Variants in CSE1L observed in about 807,000 individuals in gnomAD.
CSE1L encodes the protein exportin-2.
Under a neutral mutation model 120.4 loss-of-function variants are expected in CSE1L, and 24 were observed. The observed-to-expected ratio is 0.20, with a 90% CI of 0.14 to 0.28. CSE1L has a LOEUF of 0.28. Among genes scored for constraint, CSE1L ranks in the 10% least tolerant of loss-of-function variants. CSE1L has a pLI of 1.00. For synonymous variants in CSE1L, 402 were observed against 398.3 expected (o/e 1.01, Z -0.11); for missense variants, 830 against 1,145.2 (o/e 0.72, Z 3.97).
intron 1 of CSE1L, among the ~76,000 whole-genome samples, chr20:49,049,270 C>T (rs1481777790): frequency 8.1e-6 from 1 of 123,696 alleles, no homozygotes. Flanking sequence ...GTTGCCTGGG[C>T]TGACCTGGGC....
At chr20:49,046,849 T>G (rs2091716202) in intron 1 of CSE1L, among the ~76,000 whole-genome samples, 1 of 152,232 alleles carries the variant, frequency 6.6e-6, no homozygotes, top group Non-Finnish European at 1.5e-5. Context: ...GAGCTGAGTG[T>G]GCGGCGGCGA....
Position 49,066,039 on chromosome 20 carries a change from T to C in CSE1L, c.229-153T>C, listed in dbSNP as rs565618955. On this transcript the variant is annotated intron_variant, in intron 3 of 24. Transcript: ENST00000262982. ...GATTATTGAAGGAATCTGTGACCCA[T>C]TCATGTAGAGGGAAACTGAAGAAAG... Among the ~76,000 whole-genome samples the C allele has an allele frequency of 1.3e-3, 198 of 152,336 alleles. 3 individuals carry two copies. The highest frequency in any genetic ancestry group is 6.8e-3 in the Middle Eastern group (2 of 294).
intron 1 of CSE1L, among the ~76,000 whole-genome samples, chr20:49,051,535 C>A (rs2091766331): frequency 6.6e-6 from 1 of 152,122 alleles, no homozygotes; most frequent in South Asian, 2.1e-4. Context: ...AGAGCAAAGA[C>A]CCCTGTCTCC....
chr20:49,081,795 C>T (rs2092014488), intron 14 of CSE1L, among the ~76,000 whole-genome samples: 1 of 152,112 alleles, frequency 6.6e-6, no homozygotes, highest in South Asian at 2.1e-4. Flanking sequence ...TCTTTGATGT[C>T]TTTGCCCAGT....
At chr20:49,064,383 G>GTA (rs1555822149) in intron 3 of CSE1L, among the ~76,000 whole-genome samples, 1 of 152,174 alleles carries the variant, frequency 6.6e-6, no homozygotes, top group Non-Finnish European at 1.5e-5. Context: ...TTTTAAGCCT[G>GTA]TATGATTTCT....
In CSE1L at chr20:49,085,562, ATTTTTTTTTTTTTTT is replaced by A. The variant is rs11471947; in HGVS notation, c.1723+189_1723+203del. On this transcript the variant is annotated intron_variant, in intron 16 of 24. Coordinates refer to ENST00000262982, the MANE Select transcript of CSE1L (RefSeq NM_001316.4). ...ATTATCTTGTTTACTACTAACAATA[ATTTTTTTTTTTTTTT>A]TTTTTTTTTTTTGAGATGGAGCCTT... 8.2e-4 allele frequency among the ~76,000 whole-genome samples: 66 copies of A among 80,252 alleles called. 1 individual carries two copies. Among genetic ancestry groups the A allele is most frequent in the Admixed American group, 5.6e-3 (32 of 5,718 alleles). The allele number at this position is 80,252 out of a possible 152,430, so 52.6% of individuals were successfully genotyped here.
At chr20:49,090,539 A>G (rs1341074216) in intron 19 of CSE1L, among the ~76,000 whole-genome samples, 1 of 152,172 alleles carries the variant, frequency 6.6e-6, no homozygotes, top group African/African-American at 2.4e-5. Context: ...CTGGGCAACA[A>G]GAGTGAAACT....
At chr20:49,058,022 C>T (rs1247085523) in intron 1 of CSE1L, among the ~76,000 whole-genome samples, 4 of 152,186 alleles carry the variant, frequency 2.6e-5, no homozygotes, top group Non-Finnish European at 5.9e-5. Flanking sequence ...CCACCCACCT[C>T]AGCCTCCCAA....
intron 24 of CSE1L, chr20:49,096,120 C>A: frequency 1.5e-6 from 1 of 677,582 alleles, no homozygotes; most frequent in East Asian, 2.8e-5. Flanking sequence ...TTTTAATTAA[C>A]CACAATACCA....
chr20:49,068,933 G>A (rs951637774), intron 7 of CSE1L, 111 bp downstream of exon 7: 1 of 738,356 alleles, frequency 1.4e-6, no homozygotes, highest in Non-Finnish European at 2.3e-6. Flanking sequence ...TGAAAGAAAA[G>A]GTTTTTTCTG....
intron 1 of CSE1L, among the ~76,000 whole-genome samples, chr20:49,056,574 T>C (rs921549288): frequency 1.3e-5 from 2 of 152,180 alleles, no homozygotes; most frequent in Non-Finnish European, 2.9e-5. Context: ...CCTAATTTTA[T>C]CGTCTCACCA....
chr20:49,091,425 CA>C (rs566370376), intron 21 of CSE1L, among the ~76,000 whole-genome samples: 144 of 137,180 alleles, frequency 1.0e-3, no homozygotes, highest in Admixed American at 1.0e-3. Context: ...GACCCTGTCT[CA>C]AAAAAAAAAA....
At chr20:49,073,166 C>CA (rs2091945266) in intron 10 of CSE1L, among the ~76,000 whole-genome samples, 1 of 152,102 alleles carries the variant, frequency 6.6e-6, no homozygotes, top group African/African-American at 2.4e-5. Flanking sequence ...CACACATCAC[C>CA]ATGCCTGGCT....
chr20:49,063,746 A>T (rs908429399), intron 3 of CSE1L, among the ~76,000 whole-genome samples: 25 of 152,362 alleles, frequency 1.6e-4, no homozygotes, highest in African/African-American at 6.0e-4. Flanking sequence ...CTGAAGAGAC[A>T]TTGTGGGAAG....
chr20:49,083,313 C>T lies in CSE1L; in HGVS notation c.1483-713C>T, dbSNP rs139553506. On this transcript the variant is annotated intron_variant, in intron 14 of 24. Transcript: ENST00000262982. ...GGATTACAGGCGTGAGCCGCCACTG[C>T]GCCCGGCCTAACATCATTTTTGAGT... Among the ~76,000 whole-genome samples the T allele has an allele frequency of 7.2e-5, 11 of 152,350 alleles. No homozygotes were observed. The East Asian group carries it at 1.9e-3, about 27-fold the overall frequency.
chr20:49,058,576 AT>A (rs2091827165), intron 2 of CSE1L, 28 bp downstream of exon 2: 6 of 1,570,996 alleles, frequency 3.8e-6, no homozygotes, highest in East Asian at 4.5e-5. Flanking sequence ...TTTTTGGTTG[AT>A]TAATTCCTTC....
chr20:49,052,871 G>A (rs889385254), intron 1 of CSE1L, among the ~76,000 whole-genome samples: 1 of 152,240 alleles, frequency 6.6e-6, no homozygotes, highest in African/African-American at 2.4e-5. Flanking sequence ...ACAGGCGGCA[G>A]CCACTGCACC....
intron 3 of CSE1L, among the ~76,000 whole-genome samples, chr20:49,065,397 A>G (rs1024991976): frequency 8.3e-6 from 1 of 119,786 alleles, no homozygotes; most frequent in Non-Finnish European, 1.6e-5. Flanking sequence ...ATCTTGGCTC[A>G]TTGCAGCCTC....
chr20:49,071,609 C>T (rs918435863), intron 8 of CSE1L, among the ~76,000 whole-genome samples: 1 of 152,096 alleles, frequency 6.6e-6, no homozygotes, highest in Non-Finnish European at 1.5e-5. Flanking sequence ...CTCAGCCTCC[C>T]AAGTAGCAGG....
Sources: gnomAD v4.1 joint callset for allele counts (sites outside exome capture counted in the v4.1 genomes callset) on GRCh38, gnomAD v4.1.1 for gene constraint, MANE v1.5 for transcripts, NCBI Gene and HGNC (gene_info 2026-07-23, HGNC 2026-07-21) for gene names.